Variants in LRP1B observed in about 807,000 individuals in gnomAD.
LRP1B encodes LDL receptor related protein 1B, also known as low-density lipoprotein receptor-related protein 1B.
A neutral mutation model predicts 556.6 loss-of-function variants in LRP1B; 217 were observed. That is an observed-to-expected ratio of 0.39 (90% CI 0.35 to 0.44). LRP1B has a LOEUF of 0.44. Among genes scored for constraint, LRP1B ranks in the 20% least tolerant of loss-of-function variants. The probability of loss-of-function intolerance (pLI) is 1.00; values close to 1 mark genes in which losing one functional copy is unlikely to be tolerated. For synonymous variants in LRP1B, 2,047 were observed against 1,865.8 expected (o/e 1.10, Z -2.50); for missense variants, 5,053 against 5,620.8 (o/e 0.90, Z 3.23).
intron 1 of LRP1B, among the ~76,000 whole-genome samples, chr2:141,982,511 A>G (rs1284218576): frequency 6.6e-6 from 1 of 152,152 alleles, no homozygotes; most frequent in African/African-American, 2.4e-5. Context: ...ACTGTGAAAT[A>G]TATTCATTCT....
At chr2:141,919,917 A>G (rs1352012462) in intron 1 of LRP1B, among the ~76,000 whole-genome samples, 1 of 152,030 alleles carries the variant, frequency 6.6e-6, no homozygotes, top group African/African-American at 2.4e-5. Flanking sequence ...GAGAAATGTC[A>G]AAGAAAAATG....
intron 2 of LRP1B, among the ~76,000 whole-genome samples, chr2:141,703,665 T>G (rs1293446344): frequency 6.6e-6 from 1 of 151,976 alleles, no homozygotes; most frequent in Non-Finnish European, 1.5e-5. Flanking sequence ...AAATGAATCC[T>G]GCAGCTAGCA....
chr2:140,691,001 C>T (rs1035401544), intron 41 of LRP1B, among the ~76,000 whole-genome samples: 4 of 152,056 alleles, frequency 2.6e-5, no homozygotes, highest in Non-Finnish European at 5.9e-5. Context: ...GAACGAATGT[C>T]TGTATTCTAT....
intron 71 of LRP1B, 28 bp from the exon 72 acceptor site, chr2:140,364,811 G>C (rs1433006532): frequency 1.2e-6 from 2 of 1,603,264 alleles, no homozygotes; most frequent in African/African-American, 2.7e-5. Context: ...AAGAAACAAA[G>C]AGATTCAGAG....
intron 86 of LRP1B, among the ~76,000 whole-genome samples, chr2:140,267,944 A>AG: frequency 1.5e-5 from 1 of 65,270 alleles, no homozygotes; most frequent in Admixed American, 1.4e-4. Context: ...CAAAAAGTGG[A>AG]AAAAAAAATC....
At chr2:141,690,385 T>A (rs1409349334) in intron 2 of LRP1B, among the ~76,000 whole-genome samples, 1 of 70,942 alleles carries the variant, frequency 1.4e-5, no homozygotes, top group Admixed American at 1.7e-4. Flanking sequence ...AGAAAAGGGA[T>A]TACATCTATA....
chr2:140,408,563 G>A (rs1684845086), intron 66 of LRP1B, among the ~76,000 whole-genome samples: 3 of 151,842 alleles, frequency 2.0e-5, no homozygotes, highest in Non-Finnish European at 4.4e-5. Context: ...GTACTACAGA[G>A]AGAAAAGGAT....
rs541612554 is a variant in LRP1B at position 141,963,240 on chromosome 2, G to C, written c.83-152839C>G. Among the ~76,000 whole-genome samples the C allele has an allele frequency of 4.5e-4, 68 of 151,928 alleles. 1 individual carries two copies. The highest frequency in any genetic ancestry group is 1.6e-3 in the African/African-American group (65 of 41,482). The stretch of plus-strand genomic sequence containing the variant: ...TCTTACTATGGATAACAAGAGTATA[G>C]GTACCTATTTCTTTGTTTCTACTTC... On this transcript the variant is annotated intron_variant, in intron 1 of 90. Coordinates refer to ENST00000389484, the MANE Select transcript of LRP1B (RefSeq NM_018557.3).
At position 141,372,513 on chromosome 2, in the gene LRP1B, C is replaced by A. The variant is rs938233995; in HGVS notation, c.343+107883G>T. The stretch of plus-strand genomic sequence containing the variant: ...TGGCTGTGCATCCAACTGGTCCTGG[C>A]GTTTTTTAGGGGTTAAGGGGAGGAT... On this transcript the variant is annotated intron_variant, in intron 3 of 90. Coordinates refer to ENST00000389484, the MANE Select transcript of LRP1B (RefSeq NM_018557.3). Among the ~76,000 whole-genome samples the A allele has an allele frequency of 5.9e-5, 9 of 151,888 alleles. No individual in the cohort carries two copies. The South Asian group carries it at 1.7e-3, about 28-fold the overall frequency.
At chr2:140,944,998 A>G (rs1376278453) in intron 20 of LRP1B, among the ~76,000 whole-genome samples, 1 of 152,174 alleles carries the variant, frequency 6.6e-6, no homozygotes, top group African/African-American at 2.4e-5. Context: ...ATATGATTTT[A>G]TCTAGAACCC....
chr2:141,864,148 C>G (rs1195948687), intron 1 of LRP1B, among the ~76,000 whole-genome samples: 1 of 152,002 alleles, frequency 6.6e-6, no homozygotes, highest in African/African-American at 2.4e-5. Context: ...TCTAACCAGT[C>G]CTGAGTATAA....
chr2:141,992,191 T>G (rs183966973), intron 1 of LRP1B, among the ~76,000 whole-genome samples: 2 of 152,254 alleles, frequency 1.3e-5, no homozygotes, highest in African/African-American at 4.8e-5. Flanking sequence ...TCACAGTTGG[T>G]TGATTCCACA....
intron 18 of LRP1B, among the ~76,000 whole-genome samples, chr2:140,957,422 T>C (rs1695906062): frequency 6.6e-6 from 1 of 151,438 alleles, no homozygotes; most frequent in Non-Finnish European, 1.5e-5. Context: ...GAGTTGGAAA[T>C]GATCACTATT....
chr2:141,020,530 T>C (rs1354076185), intron 11 of LRP1B, among the ~76,000 whole-genome samples: 3 of 152,050 alleles, frequency 2.0e-5, no homozygotes, highest in Non-Finnish European at 4.4e-5. Context: ...AAACTTGTAA[T>C]ATGTAATCTG....
chr2:140,253,609 A>G (rs1573689101), intron 86 of LRP1B, among the ~76,000 whole-genome samples: 1 of 34,906 alleles, frequency 2.9e-5, no homozygotes, highest in African/African-American at 4.8e-5. Context: ...CGATGACTAA[A>G]TATATATTTA....
intron 57 of LRP1B, among the ~76,000 whole-genome samples, chr2:140,490,055 T>C (rs1688636698): frequency 6.6e-6 from 1 of 152,086 alleles, no homozygotes; most frequent in South Asian, 2.1e-4. Flanking sequence ...GCCAGGGGCA[T>C]GGTCAAAATA....
At chr2:141,190,016 A>C (rs1681438764) in intron 6 of LRP1B, among the ~76,000 whole-genome samples, 1 of 151,988 alleles carries the variant, frequency 6.6e-6, no homozygotes, top group South Asian at 2.1e-4. Context: ...ATCAGACCAG[A>C]AAGATTAAGT....
chr2:141,596,460 A>G (rs771358541), intron 2 of LRP1B, among the ~76,000 whole-genome samples: 3 of 152,074 alleles, frequency 2.0e-5, no homozygotes, highest in Non-Finnish European at 2.9e-5. Context: ...ACAGATGAGT[A>G]GATGGATGTA....
intron 2 of LRP1B, among the ~76,000 whole-genome samples, chr2:141,498,730 G>C (rs913024577): frequency 6.6e-6 from 1 of 151,996 alleles, no homozygotes. Flanking sequence ...GTCATTCCAG[G>C]GAAACTATGA....
Sources: allele counts gnomAD v4.1 joint callset (sites outside exome capture counted in the v4.1 genomes callset), GRCh38; gene constraint gnomAD v4.1.1; transcripts MANE v1.5; gene names NCBI Gene and HGNC (gene_info 2026-07-23, HGNC 2026-07-21).